RIT2: variants seen among roughly 807,000 people sequenced by gnomAD.
RIT2 encodes the protein Ras like without CAAX 2, also known as GTP-binding protein Rit2.
In RIT2, 24 loss-of-function variants were observed where a neutral mutation model predicts 23.7. The ratio of observed to expected loss-of-function variants is 1.01; its 90% CI spans 0.73 to 1.43. The LOEUF is 1.43. RIT2 is among the 40% of genes most tolerant of loss of function. The pLI, the probability that RIT2 is intolerant of heterozygous loss-of-function variation, is 0.00. For missense variants in RIT2, 236 were observed against 266.9 expected, an observed-to-expected ratio of 0.88 and a Z score of 0.81; for synonymous variants, 107 against 91.1, an observed-to-expected ratio of 1.17 and a Z score of -0.99.
At chr18:43,096,618 A>C (rs1271478431) in intron 1 of RIT2, among the ~76,000 whole-genome samples, 1 of 151,912 alleles carries the variant, frequency 6.6e-6, no homozygotes, top group Non-Finnish European at 1.5e-5. Flanking sequence ...CTACAATAAT[A>C]TCTAAAATGG....
At chr18:42,832,343 A>G (rs1906481866) in intron 4 of RIT2, among the ~76,000 whole-genome samples, 1 of 152,186 alleles carries the variant, frequency 6.6e-6, no homozygotes, top group African/African-American at 2.4e-5. Context: ...TAATGTAAAT[A>G]CCAAGTGAAA....
intron 4 of RIT2, among the ~76,000 whole-genome samples, chr18:42,892,499 C>T (rs1462314746): frequency 6.6e-6 from 1 of 152,156 alleles, no homozygotes; most frequent in Non-Finnish European, 1.5e-5. Context: ...CTGAGGTCTG[C>T]ATTACTAAAT....
intron 1 of RIT2, among the ~76,000 whole-genome samples, chr18:43,070,036 C>T (rs1912862437): frequency 6.6e-6 from 1 of 152,134 alleles, no homozygotes; most frequent in East Asian, 1.9e-4. Context: ...AAAAGAGCCT[C>T]ACACTGAGAA....
intron 4 of RIT2, among the ~76,000 whole-genome samples, chr18:42,755,373 G>T (rs1415052411): frequency 6.6e-6 from 1 of 151,996 alleles, no homozygotes; most frequent in Non-Finnish European, 1.5e-5. Context: ...ATTTGCAGTT[G>T]TTGTTTCCTC....
intron 1 of RIT2, among the ~76,000 whole-genome samples, chr18:43,062,982 G>A (rs1299280586): frequency 6.6e-6 from 1 of 151,904 alleles, no homozygotes; most frequent in Non-Finnish European, 1.5e-5. Context: ...GAAAGGCTAG[G>A]GACATACCAA....
intron 2 of RIT2, among the ~76,000 whole-genome samples, chr18:43,016,644 T>C (rs1181277426): frequency 6.6e-6 from 1 of 151,730 alleles, no homozygotes; most frequent in Non-Finnish European, 1.5e-5. Context: ...TTAAAGAAAA[T>C]TATCTATCTT....
At chr18:42,956,116 A>G (rs1909964960) in intron 3 of RIT2, among the ~76,000 whole-genome samples, 1 of 152,144 alleles carries the variant, frequency 6.6e-6, no homozygotes. Context: ...GTAAAGAGTG[A>G]GTCACTGGAG....
chr18:42,964,490 A>G (rs1414846664), intron 3 of RIT2, among the ~76,000 whole-genome samples: 1 of 152,136 alleles, frequency 6.6e-6, no homozygotes, highest in African/African-American at 2.4e-5. Flanking sequence ...AGGTGCAGTC[A>G]CTACTCCACC....
At chr18:42,767,760 A>G (rs1022255922) in intron 4 of RIT2, among the ~76,000 whole-genome samples, 6 of 152,144 alleles carry the variant, frequency 3.9e-5, no homozygotes, top group Non-Finnish European at 7.4e-5. Flanking sequence ...GGATCCAGGG[A>G]AAGGTAATTG....
At chr18:43,003,941 C>G (rs1339916199) in intron 2 of RIT2, among the ~76,000 whole-genome samples, 4 of 151,420 alleles carry the variant, frequency 2.6e-5, no homozygotes, top group Non-Finnish European at 5.9e-5. Flanking sequence ...TTCAATATGA[C>G]CTTCTGTGGC....
intron 3 of RIT2, among the ~76,000 whole-genome samples, chr18:42,929,034 G>GAGATATATATGT (rs1555647353): frequency 1.0e-5 from 1 of 96,956 alleles, no homozygotes; most frequent in Non-Finnish European, 1.9e-5. Flanking sequence ...AAAATATGGA[G>GAGATATATATGT]ATATATATAT....
At chr18:42,811,901 G>T (rs1257419331) in intron 4 of RIT2, among the ~76,000 whole-genome samples, 1 of 152,070 alleles carries the variant, frequency 6.6e-6, no homozygotes, top group East Asian at 1.9e-4. Flanking sequence ...TTTCAAGCGA[G>T]AATTGGGTAA....
chr18:42,836,142 A>G (rs920547579), intron 4 of RIT2, among the ~76,000 whole-genome samples: 4 of 152,184 alleles, frequency 2.6e-5, no homozygotes, highest in African/African-American at 9.7e-5. Context: ...TGTGACACAA[A>G]CTTTAATCAA....
At chr18:42,771,658 A>G (rs1364602068) in intron 4 of RIT2, among the ~76,000 whole-genome samples, 1 of 152,162 alleles carries the variant, frequency 6.6e-6, no homozygotes, top group Non-Finnish European at 1.5e-5. Flanking sequence ...ATCTTTAGTA[A>G]GGGGAAGAAG....
intron 4 of RIT2, among the ~76,000 whole-genome samples, chr18:42,844,447 A>T (rs1202806523): frequency 6.6e-6 from 1 of 152,118 alleles, no homozygotes; most frequent in Non-Finnish European, 1.5e-5. Flanking sequence ...TTATTAAGTG[A>T]TGGAAGTGGT....
intron 1 of RIT2, 143 bp downstream of exon 1, chr18:43,115,274 T>C (rs2144258628): frequency 2.0e-6 from 2 of 1,000,388 alleles, no homozygotes; most frequent in Admixed American, 2.7e-5. Context: ...CCTGACACTT[T>C]GGAGCATCCT....
chr18:42,976,444 A>C (rs1325025785), intron 2 of RIT2, among the ~76,000 whole-genome samples: 1 of 152,088 alleles, frequency 6.6e-6, no homozygotes. Flanking sequence ...TATTTGAATG[A>C]GGTATCTGAA....
chr18:42,860,647 C>T (rs181116928), intron 4 of RIT2, among the ~76,000 whole-genome samples: 3 of 152,248 alleles, frequency 2.0e-5, no homozygotes, highest in African/African-American at 4.8e-5. Context: ...GGAGTGCTAC[C>T]TATTTTAAGA....
intron 4 of RIT2, among the ~76,000 whole-genome samples, chr18:42,756,345 C>T (rs747820683): frequency 2.6e-5 from 4 of 152,060 alleles, no homozygotes; most frequent in East Asian, 1.9e-4. Flanking sequence ...TTCTGAGACA[C>T]GGGATGGTAA....
Sources: allele counts gnomAD v4.1 joint callset (sites outside exome capture counted in the v4.1 genomes callset), GRCh38; gene constraint gnomAD v4.1.1; transcripts MANE v1.5; gene names NCBI Gene and HGNC (gene_info 2026-07-23, HGNC 2026-07-21).